KMT2C: variants seen among roughly 807,000 people sequenced by gnomAD.
KMT2C encodes the protein lysine methyltransferase 2C, also known as histone-lysine N-methyltransferase 2C.
In KMT2C, 88 loss-of-function variants were observed where a neutral mutation model predicts 507.9. The ratio of observed to expected loss-of-function variants is 0.17; its 90% CI spans 0.15 to 0.21. The LOEUF (loss-of-function observed/expected upper bound fraction) is 0.21, where lower values mean the gene tolerates loss of function less well. KMT2C is among the 10% of genes least tolerant of loss of function. KMT2C has a pLI of 1.00. For missense variants in KMT2C, 4,954 were observed against 5,957.8 expected (o/e 0.83, Z 5.55); for synonymous variants, 2,049 against 2,080.8 (o/e 0.98, Z 0.42).
At chr7:152,419,288 T>C (rs930164005) in intron 1 of KMT2C, among the ~76,000 whole-genome samples, 7 of 151,956 alleles carry the variant, frequency 4.6e-5, no homozygotes, top group South Asian at 2.1e-4. Context: ...GAGGCGGAGA[T>C]TGCAGTGAGC....
intron 26 of KMT2C, among the ~76,000 whole-genome samples, chr7:152,200,040 T>A (rs1435902711): frequency 1.3e-5 from 2 of 152,174 alleles, no homozygotes; most frequent in Non-Finnish European, 2.9e-5. Flanking sequence ...AACTCCAAGA[T>A]CTCTCCAAAA....
intron 9 of KMT2C, among the ~76,000 whole-genome samples, chr7:152,253,502 C>T (rs569705947): frequency 1.7e-5 from 2 of 118,800 alleles, no homozygotes; most frequent in Non-Finnish European, 3.3e-5. Flanking sequence ...AGGCAAAACA[C>T]CTCTTTCTCT....
intron 6 of KMT2C, among the ~76,000 whole-genome samples, chr7:152,289,450 C>T (rs2096367399): frequency 6.6e-6 from 1 of 152,112 alleles, no homozygotes. Flanking sequence ...AATTGTTACA[C>T]CATAGTTTTT....
Position 152,162,963 on chromosome 7 carries a change from A to T in KMT2C, c.10614T>A (p.Asn3538Lys). The change falls in exon 43 of 59, where the codon AAT (asparagine) becomes AAA (lysine). Residue 3538 changes from asparagine (N) to lysine (K), a missense_variant. Asn to Lys is a moderately conservative substitution (Grantham distance 94). Around this residue, in one of 29 missense-constraint regions of KMT2C, gnomAD observed 801 missense variants for 751.2 expected, o/e 1.07. Transcript: ENST00000262189. ...ACTGCTGGAAGCTGGTCCCAGAAAG[A>T]TTTCCATGTCCCTGCTTCACAGAAG... ...NFSSVKQGHGNLSGTSFQQSP... is the reference protein window; with the variant it reads ...NFSSVKQGHGKLSGTSFQQSP... The T allele has an allele frequency of 6.2e-7, 1 of 1,614,152 alleles. No homozygotes were observed. The highest frequency in any genetic ancestry group is 8.5e-7 in the Non-Finnish European group (1 of 1,180,032).
rs1208489566 is a variant in KMT2C at position 152,158,728 on chromosome 7, C to T, written c.11670+135G>A. The stretch of plus-strand genomic sequence containing the variant: ...ATGAGGTTTTGCCATGTTGGCTAAG[C>T]TCATCTAGAACTCATGCCTCAAGTG... On this transcript the variant is annotated intron_variant, in intron 44 of 58. Coordinates refer to ENST00000262189, the MANE Select transcript of KMT2C (RefSeq NM_170606.3). 3 of 757,150 alleles carry T rather than the reference C, an allele frequency of 4.0e-6. No individual in the cohort carries two copies. In the East Asian group the frequency reaches 7.4e-5, roughly 19 times the overall value. 46.9% of individuals were successfully genotyped at this position (757,150 alleles called of 1,614,324 possible).
intron 2 of KMT2C, 80 bp from the exon 3 acceptor site, chr7:152,330,819 T>C: frequency 1.6e-6 from 2 of 1,290,160 alleles, no homozygotes; most frequent in Non-Finnish European, 2.2e-6. Context: ...CTATAAAGCA[T>C]AGGTCATAAT....
At position 152,248,614 on chromosome 7, in the gene KMT2C, G is replaced by A. The variant is rs2129164607; in HGVS notation, c.1820C>T (p.Ser607Phe). ...CAATTCAGTATTCACTGTATGTTGG[G>A]ATGATACTACAAAATTCAGAACATT... ...DTDSLLIAVS[S>F]QHTVNTELEK... Residue 607 changes from serine (S) to phenylalanine (F), a missense_variant, in exon 14 of 59, where the codon TCC becomes TTC. This residue lies in a region of KMT2C where 376 missense variants were observed against 352.4 expected (regional missense o/e 1.07). Coordinates refer to ENST00000262189, the MANE Select transcript of KMT2C (RefSeq NM_170606.3). 2 of 1,594,206 alleles carry A rather than the reference G, an allele frequency of 1.3e-6. No individual in the cohort carries two copies. The highest frequency in any genetic ancestry group is 1.7e-6 in the Non-Finnish European group (2 of 1,165,846).
intron 27 of KMT2C, among the ~76,000 whole-genome samples, chr7:152,196,850 C>A (rs2093978587): frequency 1.3e-5 from 2 of 151,844 alleles, no homozygotes; most frequent in South Asian, 4.2e-4. Context: ...GACATAAAGC[C>A]CCTGGGGCAA....
At chr7:152,420,175 A>G (rs1477049368) in intron 1 of KMT2C, among the ~76,000 whole-genome samples, 3 of 152,338 alleles carry the variant, frequency 2.0e-5, no homozygotes, top group South Asian at 4.1e-4. Context: ...GGTGATTAAC[A>G]GAGAACAAAT....
intron 1 of KMT2C, among the ~76,000 whole-genome samples, chr7:152,420,868 G>A (rs1386137387): frequency 6.6e-6 from 1 of 151,574 alleles, no homozygotes; most frequent in Non-Finnish European, 1.5e-5. Flanking sequence ...AATCTGTAAG[G>A]AACTTAAATC....
intron 44 of KMT2C, chr7:152,157,999 A>C: frequency 9.2e-7 from 1 of 1,088,818 alleles, no homozygotes; most frequent in Non-Finnish European, 1.2e-6. Flanking sequence ...CTAAGACCCG[A>C]AGCAACTTTG....
At chr7:152,291,072 C>T (rs906660978) in intron 6 of KMT2C, among the ~76,000 whole-genome samples, 3 of 152,148 alleles carry the variant, frequency 2.0e-5, no homozygotes, top group Non-Finnish European at 2.9e-5. Flanking sequence ...AATCACTGTT[C>T]TGCCTTGTAA....
intron 1 of KMT2C, among the ~76,000 whole-genome samples, chr7:152,374,884 CAA>C (rs71198779): frequency 1.4e-4 from 11 of 77,612 alleles, no homozygotes; most frequent in African/African-American, 1.5e-4. Context: ...CTCTGTCTCT[CAA>C]AAAAAAAAAA....
intron 1 of KMT2C, among the ~76,000 whole-genome samples, chr7:152,399,296 TAGC>T (rs1564117545): frequency 6.6e-6 from 1 of 152,206 alleles, no homozygotes. Context: ...CTGGCTCAAA[TAGC>T]AGATCAAACA....
intron 6 of KMT2C, among the ~76,000 whole-genome samples, chr7:152,306,748 G>T (rs1040325463): frequency 6.6e-6 from 1 of 152,170 alleles, no homozygotes; most frequent in Admixed American, 6.5e-5. Flanking sequence ...TTTCCCCACA[G>T]CCCTGTCAAC....
At chr7:152,396,363 GATA>G (rs1393915235) in intron 1 of KMT2C, among the ~76,000 whole-genome samples, 18 of 152,318 alleles carry the variant, frequency 1.2e-4, no homozygotes, top group African/African-American at 4.3e-4. Context: ...AAGAAATCGA[GATA>G]ATAACAGTAA....
intron 3 of KMT2C, among the ~76,000 whole-genome samples, chr7:152,324,116 A>G (rs1290856697): frequency 6.6e-6 from 1 of 151,700 alleles, no homozygotes; most frequent in East Asian, 1.9e-4. Context: ...GAGATATACT[A>G]CATAGTAGGG....
At position 152,182,044 on chromosome 7, in the gene KMT2C, T is replaced by C. The variant is rs770879450; in HGVS notation, c.5816A>G (p.Asn1939Ser). 3.1e-6 allele frequency: 5 copies of C among 1,614,068 alleles called. No individual in the cohort carries two copies. Among genetic ancestry groups the C allele is most frequent in the Admixed American group, 3.3e-5 (2 of 60,006 alleles). The change falls in exon 36 of 59, where the codon AAT becomes AGT. Residue 1939 changes from asparagine to serine, a missense_variant. This residue lies in a region of KMT2C where 1,689 missense variants were observed against 1,654.3 expected (regional missense o/e 1.02). Transcript: ENST00000262189. ...LSSVSRPLQMNETTANRPSPV... is the reference protein window; with the variant it reads ...LSSVSRPLQMSETTANRPSPV... ...GGATGGCCTATTTGCTGTTGTCTCA[T>C]TCATTTGAAGGGGCCTAGATACCGA...
intron 2 of KMT2C, among the ~76,000 whole-genome samples, chr7:152,352,178 C>G (rs1271015910): frequency 6.6e-6 from 1 of 152,134 alleles, no homozygotes. Flanking sequence ...TATGGTCGAG[C>G]TGTAGGGATG....
Sources: allele counts gnomAD v4.1 joint callset (sites outside exome capture counted in the v4.1 genomes callset), GRCh38; gene constraint gnomAD v4.1.1; regional missense constraint gnomAD v4.1.1; transcripts MANE v1.5; gene names NCBI Gene and HGNC (gene_info 2026-07-23, HGNC 2026-07-21).